ADGRL3: variants seen among roughly 807,000 people sequenced by gnomAD.
ADGRL3 encodes calcium-independent alpha-latrotoxin receptor 3.
Under a neutral mutation model 153.5 loss-of-function variants are expected in ADGRL3, and 62 were observed. The observed-to-expected ratio is 0.40, with a 90% CI of 0.33 to 0.50. ADGRL3 has a LOEUF of 0.50. ADGRL3 is among the 20% of genes least tolerant of loss of function. The pLI, the probability that ADGRL3 is intolerant of heterozygous loss-of-function variation, is 0.47. For synonymous variants in ADGRL3, 710 were observed against 672.5 expected (o/e 1.06, Z -0.86); for missense variants, 1,641 against 1,859.4 (o/e 0.88, Z 2.16).
chr4:61,356,311 T>A (rs1336114876), intron 1 of ADGRL3, among the ~76,000 whole-genome samples: 2 of 152,042 alleles, frequency 1.3e-5, no homozygotes, highest in Non-Finnish European at 2.9e-5. Context: ...AGGATTTGAT[T>A]AATTATTTTC....
In ADGRL3 at chr4:61,990,425, G is replaced by A. The variant is rs368428667; in HGVS notation, c.3237-5866G>A. On this transcript the variant is annotated intron_variant, in intron 19 of 26. Transcript: ENST00000683033. ...AGCAGTGGGAGGTTGAAAATGGGGAGTGACTTTTGGTGGGTACAGAGTTTC... is the reference window on the plus strand; with the variant it reads ...AGCAGTGGGAGGTTGAAAATGGGGAATGACTTTTGGTGGGTACAGAGTTTC... 9.2e-5 allele frequency among the ~76,000 whole-genome samples: 14 copies of A among 151,982 alleles called. No individual in the cohort carries two copies. The East Asian group carries it at 2.5e-3, about 27-fold the overall frequency.
chr4:62,032,908 C>A (rs1722910666), intron 23 of ADGRL3, among the ~76,000 whole-genome samples: 1 of 151,510 alleles, frequency 6.6e-6, no homozygotes, highest in South Asian at 2.1e-4. Flanking sequence ...AGAATGGATG[C>A]ATTCTAATCT....
At chr4:62,019,399 C>T (rs1402074800) in intron 21 of ADGRL3, among the ~76,000 whole-genome samples, 2 of 151,958 alleles carry the variant, frequency 1.3e-5, no homozygotes. Flanking sequence ...AGAGTAAACT[C>T]CAATTGATGT....
chr4:61,341,164 GT>G (rs2095800898), intron 1 of ADGRL3, among the ~76,000 whole-genome samples: 1 of 151,742 alleles, frequency 6.6e-6, no homozygotes, highest in African/African-American at 2.4e-5. Context: ...TGTATGTGGG[GT>G]TTTGGTTCTT....
chr4:61,683,631 A>G (rs1000286949), intron 6 of ADGRL3, among the ~76,000 whole-genome samples: 7 of 152,136 alleles, frequency 4.6e-5, no homozygotes, highest in African/African-American at 1.4e-4. Context: ...CAATTAGAAA[A>G]GGGTAGCTAT....
At chr4:61,480,973 A>G (rs761212975) in intron 2 of ADGRL3, among the ~76,000 whole-genome samples, 1 of 152,140 alleles carries the variant, frequency 6.6e-6, no homozygotes, top group Non-Finnish European at 1.5e-5. Context: ...AAAGACATTG[A>G]TATTTGCTGA....
intron 5 of ADGRL3, among the ~76,000 whole-genome samples, chr4:61,591,093 G>A (rs891346901): frequency 1.3e-5 from 2 of 152,122 alleles, no homozygotes; most frequent in African/African-American, 4.8e-5. Flanking sequence ...CTCTGCACCA[G>A]CCATATTCCT....
intron 5 of ADGRL3, among the ~76,000 whole-genome samples, chr4:61,642,705 T>G (rs1157376879): frequency 6.6e-6 from 1 of 152,196 alleles, no homozygotes; most frequent in Non-Finnish European, 1.5e-5. Flanking sequence ...GTAGTATAGT[T>G]TGAAGTCAGG....
chr4:61,659,079 T>G (rs2094520392), intron 5 of ADGRL3, among the ~76,000 whole-genome samples: 1 of 152,124 alleles, frequency 6.6e-6, no homozygotes, highest in African/African-American at 2.4e-5. Context: ...GCTGCATCTT[T>G]CCAATCTCTG....
chr4:61,262,505 G>A (rs1054573220), intron 1 of ADGRL3, among the ~76,000 whole-genome samples: 4 of 151,986 alleles, frequency 2.6e-5, no homozygotes, highest in African/African-American at 9.7e-5. Context: ...AGATTCTCCA[G>A]ACACTGTATT....
chr4:62,003,239 C>T (rs1476501213), intron 21 of ADGRL3, among the ~76,000 whole-genome samples: 2 of 152,098 alleles, frequency 1.3e-5, no homozygotes, highest in African/African-American at 4.8e-5. Context: ...GTCACCGGGT[C>T]ATGTTTTCTG....
intron 1 of ADGRL3, among the ~76,000 whole-genome samples, chr4:61,288,147 A>G (rs928984473): frequency 6.6e-6 from 1 of 151,934 alleles, no homozygotes; most frequent in African/African-American, 2.4e-5. Flanking sequence ...AAACTGTTTT[A>G]TGCTTTCTCC....
At chr4:61,435,577 T>A (rs1235889724) in intron 2 of ADGRL3, among the ~76,000 whole-genome samples, 5 of 152,130 alleles carry the variant, frequency 3.3e-5, no homozygotes, top group Non-Finnish European at 7.4e-5. Flanking sequence ...TGCATTGTAT[T>A]TTATATATTT....
At chr4:61,959,855 A>G (rs2098981197) in intron 17 of ADGRL3, among the ~76,000 whole-genome samples, 1 of 152,186 alleles carries the variant, frequency 6.6e-6, no homozygotes, top group African/African-American at 2.4e-5. Context: ...TCCTATTCCT[A>G]GTTCTTACAC....
intron 11 of ADGRL3, among the ~76,000 whole-genome samples, chr4:61,896,781 T>C (rs991473303): frequency 1.3e-5 from 2 of 152,180 alleles, no homozygotes; most frequent in African/African-American, 4.8e-5. Context: ...TTCTCCAGTT[T>C]CAGCACTGTT....
chr4:61,759,638 A>C (rs1258313483), intron 8 of ADGRL3, among the ~76,000 whole-genome samples: 1 of 150,070 alleles, frequency 6.7e-6, no homozygotes, highest in African/African-American at 2.5e-5. Context: ...AGCTCAGAGT[A>C]GTTTGATCAT....
chr4:61,372,987 T>C (rs2096556728), intron 1 of ADGRL3, among the ~76,000 whole-genome samples: 1 of 152,150 alleles, frequency 6.6e-6, no homozygotes, highest in Admixed American at 6.5e-5. Flanking sequence ...AGTGACCCGA[T>C]TCTCCAGGTG....
intron 5 of ADGRL3, among the ~76,000 whole-genome samples, chr4:61,663,674 T>C (rs1422536897): frequency 6.6e-6 from 1 of 152,200 alleles, no homozygotes; most frequent in East Asian, 1.9e-4. Context: ...GAGGTTTCTG[T>C]ATGGGAAAGT....
At chr4:61,381,152 C>T (rs1002685107) in intron 1 of ADGRL3, among the ~76,000 whole-genome samples, 2 of 151,982 alleles carry the variant, frequency 1.3e-5, no homozygotes, top group Non-Finnish European at 2.9e-5. Context: ...AAATGGAAGA[C>T]TCTCTGTCCT....
Sources: allele counts gnomAD v4.1 joint callset (sites outside exome capture counted in the v4.1 genomes callset), GRCh38; gene constraint gnomAD v4.1.1; transcripts MANE v1.5; gene names NCBI Gene and HGNC (gene_info 2026-07-23, HGNC 2026-07-21).